COL19A1: variants seen among roughly 807,000 people sequenced by gnomAD.
COL19A1 encodes collagen type XIX alpha 1 chain, also known as collagen alpha-1(XIX) chain.
COL19A1 carries 159 observed loss-of-function variants against 190.2 expected under a neutral mutation model. That is an observed-to-expected ratio of 0.84 (90% confidence interval 0.73 to 0.95). The LOEUF is 0.95. COL19A1 is among the 40% of genes least tolerant of loss of function. The pLI is 0.00. For synonymous variants in COL19A1, 509 were observed against 458.9 expected, an observed-to-expected ratio of 1.11 and a Z score of -1.39; for missense variants, 1,418 against 1,431.9, an observed-to-expected ratio of 0.99 and a Z score of 0.16.
At chr6:69,952,716 G>A (rs1353276015) in intron 9 of COL19A1, among the ~76,000 whole-genome samples, 1 of 151,948 alleles carries the variant, frequency 6.6e-6, no homozygotes, top group Non-Finnish European at 1.5e-5. Flanking sequence ...CAGATCCATT[G>A]TTCCCTAACA....
intron 11 of COL19A1, among the ~76,000 whole-genome samples, chr6:69,980,283 T>A (rs961845977): frequency 6.6e-6 from 1 of 152,110 alleles, no homozygotes; most frequent in Non-Finnish European, 1.5e-5. Context: ...TATGTGAAGT[T>A]AATTTAATAA....
intron 48 of COL19A1, among the ~76,000 whole-genome samples, chr6:70,198,083 T>C (rs1030004939): frequency 6.6e-6 from 1 of 152,230 alleles, no homozygotes; most frequent in African/African-American, 2.4e-5. Flanking sequence ...TACATATCTG[T>C]TTAAGTATGC....
intron 42 of COL19A1, among the ~76,000 whole-genome samples, chr6:70,178,454 T>C (rs894531274): frequency 6.6e-6 from 1 of 152,108 alleles, no homozygotes; most frequent in African/African-American, 2.4e-5. Context: ...ACTACAAACA[T>C]GTTCAGTTAA....
At chr6:70,004,131 A>C (rs1777461078) in intron 11 of COL19A1, among the ~76,000 whole-genome samples, 1 of 152,124 alleles carries the variant, frequency 6.6e-6, no homozygotes, top group Non-Finnish European at 1.5e-5. Context: ...TCACTTATGA[A>C]GCTTAGTTTG....
At chr6:70,137,865 G>A in intron 19 of COL19A1, 118 bp downstream of exon 19, 1 of 887,482 alleles carries the variant, frequency 1.1e-6, no homozygotes. Context: ...GGAAACAACA[G>A]ATCAGATCTT....
At chr6:70,043,352 T>C (rs1779731631) in intron 14 of COL19A1, among the ~76,000 whole-genome samples, 1 of 152,050 alleles carries the variant, frequency 6.6e-6, no homozygotes, top group South Asian at 2.1e-4. Flanking sequence ...CCACTATGCC[T>C]GGCTAATTTT....
chr6:70,110,498 A>G (rs1784224415), intron 16 of COL19A1, among the ~76,000 whole-genome samples: 1 of 152,202 alleles, frequency 6.6e-6, no homozygotes, highest in African/African-American at 2.4e-5. Context: ...TATAAAATGG[A>G]GACATGGCTA....
chr6:70,071,235 G>A (rs541639676), intron 15 of COL19A1, among the ~76,000 whole-genome samples: 17 of 147,616 alleles, frequency 1.2e-4, no homozygotes, highest in African/African-American at 3.3e-4. Flanking sequence ...TATTATGAAA[G>A]ACATAGGATT....
intron 37 of COL19A1, among the ~76,000 whole-genome samples, chr6:70,166,199 G>T (rs1765144189): frequency 6.6e-6 from 1 of 152,096 alleles, no homozygotes. Context: ...GCATACTGCG[G>T]GTCTCCCCAT....
chr6:69,870,363 C>G (rs1042981665), intron 1 of COL19A1, among the ~76,000 whole-genome samples: 1 of 152,226 alleles, frequency 6.6e-6, no homozygotes, highest in Non-Finnish European at 1.5e-5. Flanking sequence ...GGGTATTGAG[C>G]TCTGTTGAAT....
intron 11 of COL19A1, among the ~76,000 whole-genome samples, chr6:69,991,281 A>G (rs1310841079): frequency 6.6e-6 from 1 of 152,012 alleles, no homozygotes; most frequent in Non-Finnish European, 1.5e-5. Flanking sequence ...CATTTTCTTT[A>G]TCCAGTCCAC....
chr6:69,963,705 T>A (rs1023159436), intron 11 of COL19A1, among the ~76,000 whole-genome samples: 2 of 152,200 alleles, frequency 1.3e-5, no homozygotes, highest in African/African-American at 4.8e-5. Flanking sequence ...GAGAGACCAA[T>A]GGCAGATGCC....
At chr6:70,168,787 T>G in intron 40 of COL19A1, 106 bp downstream of exon 40, 1 of 1,179,332 alleles carries the variant, frequency 8.5e-7, no homozygotes, top group Non-Finnish European at 1.2e-6. Flanking sequence ...GTTCATCAAT[T>G]AACATGCTGG....
intron 9 of COL19A1, among the ~76,000 whole-genome samples, chr6:69,954,859 A>G (rs1479139193): frequency 6.6e-6 from 1 of 152,114 alleles, no homozygotes; most frequent in Non-Finnish European, 1.5e-5. Flanking sequence ...AGTAGAAGTA[A>G]TTGATATGGA....
At chr6:69,925,661 A>G (rs1195805533) in intron 4 of COL19A1, among the ~76,000 whole-genome samples, 2 of 152,194 alleles carry the variant, frequency 1.3e-5, no homozygotes, top group Non-Finnish European at 1.5e-5. Context: ...CATTGAATCT[A>G]TAAATTATCT....
intron 42 of COL19A1, 49 bp downstream of exon 42, chr6:70,176,613 T>C: frequency 6.3e-7 from 1 of 1,584,308 alleles, no homozygotes; most frequent in Non-Finnish European, 8.6e-7. Flanking sequence ...CGGTTCTATC[T>C]CCATGATACA....
intron 15 of COL19A1, among the ~76,000 whole-genome samples, chr6:70,068,999 C>T (rs920719921): frequency 2.0e-5 from 3 of 152,078 alleles, no homozygotes; most frequent in African/African-American, 7.2e-5. Flanking sequence ...TTTCATCATT[C>T]CACAGTAAAA....
At chr6:69,964,432 G>A (rs899415150) in intron 11 of COL19A1, among the ~76,000 whole-genome samples, 1 of 152,114 alleles carries the variant, frequency 6.6e-6, no homozygotes, top group Non-Finnish European at 1.5e-5. Flanking sequence ...GATTTATTAA[G>A]TGGGATTTTA....
At chr6:69,975,974 G>T (rs753312304) in intron 11 of COL19A1, among the ~76,000 whole-genome samples, 1 of 152,080 alleles carries the variant, frequency 6.6e-6, no homozygotes, top group Admixed American at 6.5e-5. Context: ...ATAACACATG[G>T]TTTTTGTTTT....
Sources: allele counts gnomAD v4.1 joint callset (sites outside exome capture counted in the v4.1 genomes callset), GRCh38; gene constraint gnomAD v4.1.1; transcripts MANE v1.5; gene names NCBI Gene and HGNC (gene_info 2026-07-23, HGNC 2026-07-21).